ITSN1: variants seen among roughly 807,000 people sequenced by gnomAD.
ITSN1 encodes the protein intersectin 1.
In ITSN1, 58 loss-of-function variants were observed where a neutral mutation model predicts 239.8. The ratio of observed to expected loss-of-function variants is 0.24; its 90% CI spans 0.20 to 0.30. The LOEUF (loss-of-function observed/expected upper bound fraction) is 0.30. Ranked by LOEUF, ITSN1 falls within the 10% of genes least tolerant of loss-of-function variation. The pLI is 1.00. For synonymous variants in ITSN1, 780 were observed against 770.8 expected (o/e 1.01, Z -0.20); for missense variants, 1,558 against 2,103.3 (o/e 0.74, Z 5.07).
chr21:33,645,191 A>C (rs898268790), intron 1 of ITSN1, among the ~76,000 whole-genome samples: 4 of 152,196 alleles, frequency 2.6e-5, no homozygotes, highest in Admixed American at 1.3e-4. Flanking sequence ...AATTGATGAC[A>C]CGAGAGTTGG....
intron 29 of ITSN1, among the ~76,000 whole-genome samples, chr21:33,851,976 G>A (rs1217736038): frequency 6.6e-6 from 1 of 150,612 alleles, no homozygotes; most frequent in East Asian, 2.0e-4. Context: ...GTAGATATGG[G>A]TGTCTCTCAC....
In ITSN1 at chr21:33,735,204, G is replaced by A. The variant is rs570083738; in HGVS notation, c.346G>A (p.Gly116Ser). 48 of 1,611,432 alleles carry A rather than the reference G, an allele frequency of 3.0e-5. No individual in the cohort carries two copies. In the African/African-American group the frequency reaches 6.0e-4, roughly 20 times the overall value. The change falls in exon 5 of 40, where the codon GGT becomes AGT. Residue 116 changes from glycine to serine, a missense_variant and splice_region_variant. Coordinates refer to ENST00000381318, the MANE Select transcript of ITSN1 (RefSeq NM_003024.3). ...TGCTATTTCTAGCGCACCAGCATTT[G>A]GTAAGTCTGAAAATGAATTGGTTTC... ...PVAISSAPAF[G>S]MGGIASMPPL... is the part of the protein sequence containing the mutation.
At chr21:33,722,991 T>TA (rs889030937) in intron 4 of ITSN1, among the ~76,000 whole-genome samples, 1 of 152,224 alleles carries the variant, frequency 6.6e-6, no homozygotes, top group Admixed American at 6.5e-5. Flanking sequence ...TTTCTTGCTT[T>TA]ATAATGGAAT....
chr21:33,653,290 C>T (rs2088720179), intron 1 of ITSN1, among the ~76,000 whole-genome samples: 1 of 152,086 alleles, frequency 6.6e-6, no homozygotes, highest in African/African-American at 2.4e-5. Context: ...CCACCGCACC[C>T]AGCCGTGATT....
chr21:33,845,333 G>A (rs974701367), intron 29 of ITSN1, among the ~76,000 whole-genome samples: 5 of 152,052 alleles, frequency 3.3e-5, no homozygotes, highest in African/African-American at 2.4e-5. Flanking sequence ...CAAAGGCCAG[G>A]GCTGAAGGAG....
intron 11 of ITSN1, among the ~76,000 whole-genome samples, chr21:33,770,723 G>A (rs568060282): frequency 6.7e-6 from 1 of 150,070 alleles, no homozygotes; most frequent in South Asian, 2.1e-4. Flanking sequence ...CTTGCAGCAT[G>A]TATCATTACA....
In ITSN1 at chr21:33,865,260, A is replaced by G; in HGVS notation, c.4000A>G (p.Ser1334Gly). ...CATGCAGCCCTACATCCGCTTCTGC[A>G]GCCGCCAGCTCAACGGGGCTGCCCT... ...PHMQPYIRFCSRQLNGAALIQ... is the reference protein window; with the variant it reads ...PHMQPYIRFCGRQLNGAALIQ... The change falls in exon 32 of 40, where the codon AGC becomes GGC. Residue 1334 changes from serine (S) to glycine (G), a missense_variant. Ser to Gly is a moderately conservative substitution (Grantham distance 56). This residue lies in a region of ITSN1 where 576 missense variants were observed against 893.3 expected (regional missense o/e 0.64). Coordinates refer to ENST00000381318, the MANE Select transcript of ITSN1 (RefSeq NM_003024.3). This position sits in a 1 kb window ranked among gnomAD's most constrained non-coding sequence, Gnocchi z 4.4. 1 of 1,609,900 alleles carries G rather than the reference A, an allele frequency of 6.2e-7. No homozygotes were observed. Among genetic ancestry groups the G allele is most frequent in the Non-Finnish European group, 8.5e-7 (1 of 1,178,422 alleles).
At chr21:33,671,810 A>C (rs909504796) in intron 1 of ITSN1, among the ~76,000 whole-genome samples, 17 of 152,168 alleles carry the variant, frequency 1.1e-4, no homozygotes, top group African/African-American at 3.9e-4. Context: ...AAATAAATAA[A>C]TAAATAACTT....
chr21:33,870,079 A>T (rs1439252819), intron 33 of ITSN1, among the ~76,000 whole-genome samples: 1 of 152,096 alleles, frequency 6.6e-6, no homozygotes, highest in Non-Finnish European at 1.5e-5. Flanking sequence ...GTCTTCTTAC[A>T]TGTGACAAAT....
At position 33,856,838 on chromosome 21, in the gene ITSN1, A is replaced by T; in HGVS notation, c.3764A>T (p.Asp1255Val). Reference sequence around the variant, plus strand: ...GTCACCGAGGAGAACTATGTGAATGACCTGCAGCTGGTCACAGAGGTAAGG... The same window carrying T: ...GTCACCGAGGAGAACTATGTGAATGTCCTGCAGCTGGTCACAGAGGTAAGG... The part of the protein sequence containing the change: ...LIVTEENYVN[D>V]LQLVTEIFQK... The change falls in exon 30 of 40, where the codon GAC becomes GTC. Residue 1255 changes from aspartate to valine, a missense_variant. Physicochemically the swap from Asp to Val is radical, Grantham distance 152. This residue lies in a region of ITSN1 where 576 missense variants were observed against 893.3 expected (regional missense o/e 0.64). Coordinates refer to ENST00000381318, the MANE Select transcript of ITSN1 (RefSeq NM_003024.3). 1 of 1,613,938 alleles carries T rather than the reference A, an allele frequency of 6.2e-7. No homozygotes were observed. Among genetic ancestry groups the T allele is most frequent in the East Asian group, 2.2e-5 (1 of 44,858 alleles).
intron 20 of ITSN1, among the ~76,000 whole-genome samples, chr21:33,804,691 A>ATC (rs1332223755): frequency 6.6e-6 from 1 of 152,172 alleles, no homozygotes; most frequent in Non-Finnish European, 1.5e-5. Context: ...GAACATAAGA[A>ATC]ATGAGAAGAC....
chr21:33,852,842 A>C (rs1189871065), intron 29 of ITSN1, among the ~76,000 whole-genome samples: 2 of 152,146 alleles, frequency 1.3e-5, no homozygotes, highest in African/African-American at 4.8e-5. Context: ...GGGGCCAGAA[A>C]CCATGTTTAT....
chr21:33,749,092 G>A (rs887834598), intron 5 of ITSN1, among the ~76,000 whole-genome samples: 1 of 150,940 alleles, frequency 6.6e-6, no homozygotes, highest in Non-Finnish European at 1.5e-5. Context: ...CGGCATAAGT[G>A]ATCCTCCCAC....
chr21:33,693,456 G>C (rs1364250642), intron 1 of ITSN1, among the ~76,000 whole-genome samples: 1 of 151,706 alleles, frequency 6.6e-6, no homozygotes, highest in Admixed American at 6.6e-5. Context: ...TCCCAGGTTC[G>C]AGCAATTCTC....
rs148797721 is a variant in ITSN1 at position 33,885,107 on chromosome 21, C to T, written c.4743C>T (p.Arg1581=). 4.0e-5 allele frequency: 64 copies of T among 1,613,776 alleles called. No homozygotes were observed. The African/African-American group carries it at 5.6e-4, about 14-fold the overall frequency. ...ACATAGAGACTGAGAAAAAGAAGCG[C>T]GAGAAAGCGTACCTGGGTAATGCAT... The part of the protein sequence containing the change: ...ELYIETEKKK[R]EKAYLVRSQR... Residue 1581 remains arginine (R), a synonymous_variant, in exon 37 of 40, where the codon CGC becomes CGT. Transcript: ENST00000381318.
At position 33,788,800 on chromosome 21, in the gene ITSN1, A is replaced by G. The variant is rs183103540; in HGVS notation, c.1825-5541A>G. Among the ~76,000 whole-genome samples the G allele has an allele frequency of 1.3e-3, 198 of 152,318 alleles. 1 individual carries two copies. Among genetic ancestry groups the G allele is most frequent in the Admixed American group, 0.01 (158 of 15,294 alleles). On this transcript the variant is annotated intron_variant, in intron 16 of 39. Transcript: ENST00000381318. ...TGTATAGTCCTCTCAGTTTTAATGC[A>G]TCGAGAATGAATAAATGTAGCCTGG... is the stretch of plus-strand genomic sequence containing the variant.
intron 1 of ITSN1, chr21:33,716,378 C>G (rs983489474): frequency 6.6e-6 from 1 of 152,268 alleles, no homozygotes; most frequent in African/African-American, 2.4e-5. Context: ...CTGTACAGGT[C>G]TGCACACTGA....
At chr21:33,759,877 A>C (rs752500240) in intron 8 of ITSN1, among the ~76,000 whole-genome samples, 1 of 152,182 alleles carries the variant, frequency 6.6e-6, no homozygotes, top group Non-Finnish European at 1.5e-5. Context: ...AGGCGGGTGG[A>C]TCACGTGAGG....
intron 26 of ITSN1, among the ~76,000 whole-genome samples, chr21:33,827,924 A>C (rs1425380908): frequency 6.6e-6 from 1 of 152,220 alleles, no homozygotes; most frequent in Non-Finnish European, 1.5e-5. Context: ...AGGGAAAAGA[A>C]GGGAAATTTC....
Sources: allele counts gnomAD v4.1 joint callset (sites outside exome capture counted in the v4.1 genomes callset), GRCh38; gene constraint gnomAD v4.1.1; regional missense constraint gnomAD v4.1.1; non-coding constraint Gnocchi (gnomAD v3.1); transcripts MANE v1.5; gene names NCBI Gene and HGNC (gene_info 2026-07-23, HGNC 2026-07-21).